DNAH2: variants seen among roughly 807,000 people sequenced by gnomAD.
DNAH2 encodes axonemal beta dynein heavy chain 2.
Under a neutral mutation model 523.5 loss-of-function variants are expected in DNAH2, and 323 were observed. The observed-to-expected ratio is 0.62, with a 90% CI of 0.56 to 0.68. DNAH2 has a LOEUF of 0.68. Among genes scored for constraint, DNAH2 ranks in the 30% least tolerant of loss-of-function variants. DNAH2 has a pLI of 0.00. For synonymous variants in DNAH2, 2,093 were observed against 2,177.4 expected, an observed-to-expected ratio of 0.96 and a Z score of 1.08; for missense variants, 4,907 against 5,701.5, an observed-to-expected ratio of 0.86 and a Z score of 4.49.
Position 7,794,285 on chromosome 17 carries a change from C to T in DNAH2, c.7601C>T (p.Pro2534Leu), listed in dbSNP as rs1466486318. ...TTCCTGATGGCTGCCATGGGCCCCC[C>T]TGGGGGTGGACGGACTGTCATCTCC... ...EMFLMAAMGP[P>L]GGGRTVISPR... The change falls in exon 49 of 86, where the codon CCT becomes CTT. Residue 2534 changes from proline (P) to leucine (L), a missense_variant. Pro to Leu is a moderately conservative substitution (Grantham distance 98). Around this residue, in one of 3 missense-constraint regions of DNAH2, gnomAD observed 250 missense variants for 371.3 expected, o/e 0.67. Coordinates refer to ENST00000572933, the MANE Select transcript of DNAH2 (RefSeq NM_020877.5). 3 of 1,609,784 alleles carry T rather than the reference C, an allele frequency of 1.9e-6. No homozygotes were observed. Among genetic ancestry groups the T allele is most frequent in the African/African-American group, 1.3e-5 (1 of 74,712 alleles).
chr17:7,753,838 C>G (rs2075759243), intron 12 of DNAH2, among the ~76,000 whole-genome samples: 1 of 152,106 alleles, frequency 6.6e-6, no homozygotes, highest in African/African-American at 2.4e-5. Flanking sequence ...GTCCCAGCTA[C>G]TCGGAAGGCT....
intron 5 of DNAH2, 119 bp downstream of exon 5, chr17:7,733,434 A>T: frequency 1.2e-6 from 1 of 832,208 alleles, no homozygotes; most frequent in Non-Finnish European, 1.9e-6. Flanking sequence ...CAGCATGCTT[A>T]TCGAATTGGT....
At chr17:7,733,871 G>A (rs1474822364) in intron 5 of DNAH2, among the ~76,000 whole-genome samples, 1 of 152,178 alleles carries the variant, frequency 6.6e-6, no homozygotes, top group Non-Finnish European at 1.5e-5. Context: ...AAAAGCACAT[G>A]TGGGGGAAAG....
At position 7,832,762 on chromosome 17, in the gene DNAH2, A is replaced by G. The variant is rs1198943915; in HGVS notation, c.12903+7A>G. The G allele has an allele frequency of 6.2e-7, 1 of 1,614,068 alleles. No homozygotes were observed. The highest frequency in any genetic ancestry group is 1.7e-5 in the Admixed American group (1 of 60,006). ...TTCAGCTCGCCAAAACAACGTGAGCAATGTGCAAAGTGTGAGGGGGGGATG... is the reference window on the plus strand; with the variant it reads ...TTCAGCTCGCCAAAACAACGTGAGCGATGTGCAAAGTGTGAGGGGGGGATG... On this transcript the variant is annotated splice_region_variant and intron_variant, in intron 83 of 85. Transcript: ENST00000572933. This position sits in a 1 kb window ranked among gnomAD's most constrained non-coding sequence, Gnocchi z 4.3.
At chr17:7,766,217 T>G in intron 21 of DNAH2, 101 bp from the exon 22 acceptor site, 3 of 1,252,792 alleles carry the variant, frequency 2.4e-6, no homozygotes, top group Non-Finnish European at 3.4e-6. Context: ...CTCTCTCACG[T>G]GAGGAGAGAG....
chr17:7,821,377 G>A lies in DNAH2; in HGVS notation c.11142+8G>A. On this transcript the variant is annotated splice_region_variant and intron_variant, in intron 73 of 85. Transcript: ENST00000572933. This position sits in a 1 kb window ranked among gnomAD's most constrained non-coding sequence, Gnocchi z 5.0. ...TTTCTACGTGGGGGTGTGGTGAGTT[G>A]GGCAGAGAGCACATCCCAGGATGGG... 1 of 1,611,452 alleles carries A rather than the reference G, an allele frequency of 6.2e-7. No individual in the cohort carries two copies. The highest frequency in any genetic ancestry group is 8.5e-7 in the Non-Finnish European group (1 of 1,178,518).
Position 7,734,244 on chromosome 17 carries a change from G to A in DNAH2, c.690G>A (p.Met230Ile). 1 of 1,607,418 alleles carries A rather than the reference G, an allele frequency of 6.2e-7. No homozygotes were observed. The highest frequency in any genetic ancestry group is 8.5e-7 in the Non-Finnish European group (1 of 1,176,718). ...ACATCCCTGCAGAGGCCATGAACAT[G>A]AAGCCTGAGATGGTGATAAAGGACA... The part of the protein sequence containing the change: ...VLYIPAEAMN[M>I]KPEMVIKDKE... Residue 230 changes from methionine (M) to isoleucine (I), a missense_variant, in exon 6 of 86, where the codon ATG becomes ATA. Around this residue, in one of 3 missense-constraint regions of DNAH2, gnomAD observed 2,806 missense variants for 3,190.8 expected, o/e 0.88. Coordinates refer to ENST00000572933, the MANE Select transcript of DNAH2 (RefSeq NM_020877.5).
chr17:7,788,741 A>G (rs2076815277), intron 44 of DNAH2, among the ~76,000 whole-genome samples: 2 of 152,224 alleles, frequency 1.3e-5, no homozygotes, highest in African/African-American at 4.8e-5. Flanking sequence ...GTTGAGATTA[A>G]ATCACTGCCT....
At position 7,833,373 on chromosome 17, in the gene DNAH2, C is replaced by T. The variant is rs2078249730; in HGVS notation, c.13130-6C>T. On this transcript the variant is annotated splice_region_variant and splice_polypyrimidine_tract_variant and intron_variant, in intron 85 of 85. Transcript: ENST00000572933. ...GGGGTCTGACTTCTCCTCTCCTTTC[C>T]CCCAGGCATGTACTCCTGCCCCTGC... The T allele has an allele frequency of 1.2e-6, 2 of 1,613,802 alleles. No homozygotes were observed. Among genetic ancestry groups the T allele is most frequent in the Admixed American group, 1.7e-5 (1 of 60,026 alleles).
At chr17:7,749,353 GAAAAA>G (rs2075620398) in intron 12 of DNAH2, among the ~76,000 whole-genome samples, 1 of 69,094 alleles carries the variant, frequency 1.4e-5, no homozygotes, top group Admixed American at 1.8e-4. Context: ...AAAAAAGAAA[GAAAAA>G]AGAAAATCTT....
chr17:7,816,756 T>C, intron 64 of DNAH2, 21 bp downstream of exon 64: 2 of 1,610,522 alleles, frequency 1.2e-6, no homozygotes. Flanking sequence ...CTGTACTACC[T>C]GGTGTCCTTT....
At chr17:7,738,875 A>G in intron 8 of DNAH2, 1 of 687,126 alleles carries the variant, frequency 1.5e-6, no homozygotes, top group South Asian at 1.5e-5. Context: ...CTAGGTTTGC[A>G]TAGCCAGACT....
chr17:7,728,293 A>G (rs2074886402), intron 4 of DNAH2, among the ~76,000 whole-genome samples: 1 of 152,196 alleles, frequency 6.6e-6, no homozygotes, highest in African/African-American at 2.4e-5. Flanking sequence ...TTTTCTGTAT[A>G]TATCTTTGAA....
In DNAH2 at chr17:7,764,166, C is replaced by T. The variant is rs1345161551; in HGVS notation, c.3229C>T (p.Leu1077Phe). The change falls in exon 20 of 86, where the codon CTC becomes TTC. Residue 1077 changes from leucine (L) to phenylalanine (F), a missense_variant. Leu to Phe is a conservative substitution (Grantham distance 22). Transcript: ENST00000572933. ...GGAGGAACTGGGGGTCAGCTTGCAG[C>T]TCGTGGATGCCCTGAAGCACGACTT... ...TLEELGVSLQ[L>F]VDALKHDLAN... The T allele has an allele frequency of 6.2e-7, 1 of 1,614,244 alleles. No homozygotes were observed. Among genetic ancestry groups the T allele is most frequent in the East Asian group, 2.2e-5 (1 of 44,892 alleles).
chr17:7,759,880 C>A lies in DNAH2; in HGVS notation c.2727C>A (p.His909Gln). 6.2e-7 allele frequency: 1 copy of A among 1,614,218 alleles called. No homozygotes were observed. The highest frequency in any genetic ancestry group is 8.5e-7 in the Non-Finnish European group (1 of 1,180,040). Residue 909 changes from histidine to glutamine, a missense_variant, in exon 17 of 86, where the codon CAC becomes CAA. Physicochemically the swap from His to Gln is conservative, Grantham distance 24. Coordinates refer to ENST00000572933, the MANE Select transcript of DNAH2 (RefSeq NM_020877.5). The stretch of plus-strand genomic sequence containing the variant: ...TTTCCACCATCTCTGTCTTCTGCCA[C>A]CTCCCTGACATTCTCACCAAGCGCA... Reference protein sequence around the residue: ...HLFSTISVFCHLPDILTKRKL... With the variant: ...HLFSTISVFCQLPDILTKRKL...
In DNAH2 at chr17:7,780,941, T is replaced by G; in HGVS notation, c.6004-101T>G. The G allele has an allele frequency of 6.3e-7, 1 of 1,587,928 alleles. No homozygotes were observed. The highest frequency in any genetic ancestry group is 8.6e-7 in the Non-Finnish European group (1 of 1,162,678). The stretch of plus-strand genomic sequence containing the variant: ...GCCCGCTGCTTTGCTAATGGCTAAC[T>G]GGTGTATCCATTGTTCTTGGCACGT... On this transcript the variant is annotated intron_variant, in intron 38 of 85. Coordinates refer to ENST00000572933, the MANE Select transcript of DNAH2 (RefSeq NM_020877.5). This position sits in a 1 kb window ranked among gnomAD's most constrained non-coding sequence, Gnocchi z 4.4.
chr17:7,794,720 T>C (rs2077015464), intron 49 of DNAH2, among the ~76,000 whole-genome samples: 1 of 151,572 alleles, frequency 6.6e-6, no homozygotes, highest in Admixed American at 6.6e-5. Context: ...CAAAAGACTC[T>C]GTAATCAGGA....
intron 4 of DNAH2, among the ~76,000 whole-genome samples, chr17:7,729,658 A>G (rs1263733745): frequency 2.6e-5 from 4 of 152,056 alleles, no homozygotes; most frequent in African/African-American, 9.7e-5. Flanking sequence ...TCAAACTCCC[A>G]ACCTCAGGTG....
At chr17:7,769,853 C>T (rs1044852628) in intron 24 of DNAH2, among the ~76,000 whole-genome samples, 2 of 152,204 alleles carry the variant, frequency 1.3e-5, no homozygotes, top group African/African-American at 4.8e-5. Context: ...AACCTAACCA[C>T]TTTATTTGCT....
Sources: gnomAD v4.1 joint callset for allele counts (sites outside exome capture counted in the v4.1 genomes callset) on GRCh38, gnomAD v4.1.1 for gene constraint, gnomAD v4.1.1 regional missense constraint, Gnocchi (gnomAD v3.1) non-coding constraint, MANE v1.5 for transcripts, NCBI Gene and HGNC (gene_info 2026-07-23, HGNC 2026-07-21) for gene names.